The following TNRC6A variants were observed in gnomAD, a reference collection of about 807,000 sequenced individuals.
TNRC6A encodes the protein trinucleotide repeat-containing gene 6A protein.
In TNRC6A, 44 loss-of-function variants were observed where a neutral mutation model predicts 221.2. That is an observed-to-expected ratio of 0.20 (90% CI 0.16 to 0.26). TNRC6A has a LOEUF of 0.26. Ranked by LOEUF, TNRC6A falls within the 10% of genes least tolerant of loss-of-function variation. The pLI is 1.00. For missense variants in TNRC6A, 2,199 were observed against 2,404.4 expected (o/e 0.91, Z 1.79); for synonymous variants, 847 against 838.5 (o/e 1.01, Z -0.18).
At chr16:24,784,927 A>G (rs1198953672) in intron 5 of TNRC6A, among the ~76,000 whole-genome samples, 1 of 152,202 alleles carries the variant, frequency 6.6e-6, no homozygotes, top group Non-Finnish European at 1.5e-5. Flanking sequence ...TCTGCCACGT[A>G]TGGTTTATGT....
chr16:24,642,866 G>C (rs1332642606), intron 2 of TNRC6A, among the ~76,000 whole-genome samples: 1 of 151,316 alleles, frequency 6.6e-6, no homozygotes, highest in Non-Finnish European at 1.5e-5. Flanking sequence ...AATGTAGTGA[G>C]ACCCTGTCTC....
rs60944175 is a variant in TNRC6A at position 24,689,989 on chromosome 16, T to TAA, written n.402+49017_402+49018dup. Among the ~76,000 whole-genome samples the TAA allele has an allele frequency of 5.5e-3, 537 of 97,428 alleles. 2 individuals are homozygous for TAA. Among genetic ancestry groups the TAA allele is most frequent in the Non-Finnish European group, 6.3e-3 (311 of 49,464 alleles). The allele number at this position is 97,428 out of a possible 152,430, so 63.9% of individuals were successfully genotyped here. ...TGGTCTCAAACTCCTAGGCTTAAAG[T>TAA]AAAAAAAAAAAAAAAAAAAAAAAAA... On this transcript the variant is annotated intron_variant and non_coding_transcript_variant, in intron 2 of 2. Coordinates refer to the TNRC6A transcript ENST00000566108.
At chr16:24,806,552 C>G (rs1205927886) in intron 16 of TNRC6A, 22 bp from the exon 17 acceptor site, 1 of 1,611,750 alleles carries the variant, frequency 6.2e-7, no homozygotes, top group Non-Finnish European at 8.5e-7. Context: ...GTAATTTTTT[C>G]CAATCATTTC....
chr16:24,806,570 T>C lies in TNRC6A; in HGVS notation c.4330-4T>C. 6.2e-7 allele frequency: 1 copy of C among 1,614,208 alleles called. No individual in the cohort carries two copies. Among genetic ancestry groups the C allele is most frequent in the Non-Finnish European group, 8.5e-7 (1 of 1,180,004 alleles). ...ATTTTTTCCAATCATTTCATTGTTT[T>C]AAGGGTCGACCTCTTAGTGTGCAGC... On this transcript the variant is annotated splice_polypyrimidine_tract_variant and splice_region_variant and intron_variant, in intron 16 of 24. Transcript: ENST00000395799.
chr16:24,737,785 C>T (rs1174760526), intron 2 of TNRC6A, among the ~76,000 whole-genome samples: 1 of 152,202 alleles, frequency 6.6e-6, no homozygotes, highest in Non-Finnish European at 1.5e-5. Context: ...AGAGTTATGA[C>T]GTCTGTGTTT....
At chr16:24,805,215 T>C (rs964236538) in intron 14 of TNRC6A, 64 bp downstream of exon 14, 27 of 1,585,256 alleles carry the variant, frequency 1.7e-5, no homozygotes, top group Non-Finnish European at 1.5e-5. Context: ...GATTTTGTAT[T>C]TGAATAAAAT....
At chr16:24,641,513 G>A (rs1029798159) in intron 2 of TNRC6A, among the ~76,000 whole-genome samples, 1 of 152,076 alleles carries the variant, frequency 6.6e-6, no homozygotes, top group Non-Finnish European at 1.5e-5. Context: ...TGGTAAAGTT[G>A]GTCAGCAGTG....
chr16:24,737,499 G>A (rs2056796307), intron 2 of TNRC6A, among the ~76,000 whole-genome samples: 1 of 152,224 alleles, frequency 6.6e-6, no homozygotes, highest in Non-Finnish European at 1.5e-5. Flanking sequence ...CTTGTAACTA[G>A]GGAAAAGCAT....
chr16:24,818,603 A>G lies in TNRC6A; in HGVS notation c.4983A>G (p.Ser1661=). ...TCTTCCCCCACACAGGGTCATCCTC[A>G]TCCTTGAACACCACGCTGCCTTCAA... ...HLRDRNSGSS[S]SLNTTLPSTS... is the part of the protein sequence containing the mutation. The change falls in exon 21 of 25, where the codon TCA becomes TCG. Residue 1661 remains serine, a synonymous_variant. Transcript: ENST00000395799. 6.2e-7 allele frequency: 1 copy of G among 1,613,998 alleles called. No homozygotes were observed. The highest frequency in any genetic ancestry group is 8.5e-7 in the Non-Finnish European group (1 of 1,179,974).
chr16:24,725,589 A>C (rs1287210516), upstream of TNRC6A, among the ~76,000 whole-genome samples: 2 of 151,818 alleles, frequency 1.3e-5, no homozygotes, highest in East Asian at 3.9e-4. Flanking sequence ...TTTCAAAGAA[A>C]CATTCTTTGT....
intron 2 of TNRC6A, among the ~76,000 whole-genome samples, chr16:24,718,662 G>T (rs1220007495): frequency 6.6e-6 from 1 of 152,154 alleles, no homozygotes; most frequent in Non-Finnish European, 1.5e-5. Flanking sequence ...AGCCATTCAA[G>T]AATTCATAGC....
At chr16:24,735,018 A>T (rs1334545195) in intron 2 of TNRC6A, among the ~76,000 whole-genome samples, 1 of 152,250 alleles carries the variant, frequency 6.6e-6, no homozygotes, top group Non-Finnish European at 1.5e-5. Context: ...GCAGTGGCTC[A>T]CACGGGTAAT....
At chr16:24,683,593 T>G (rs544706858) in intron 2 of TNRC6A, among the ~76,000 whole-genome samples, 7 of 152,274 alleles carry the variant, frequency 4.6e-5, no homozygotes, top group African/African-American at 1.4e-4. Flanking sequence ...AGCCACCCTC[T>G]TCCCCATGGG....
intron 2 of TNRC6A, among the ~76,000 whole-genome samples, chr16:24,738,098 G>A (rs2056810818): frequency 6.6e-6 from 1 of 152,192 alleles, no homozygotes; most frequent in Non-Finnish European, 1.5e-5. Context: ...TCTGAGGCCT[G>A]TCAGTCACTA....
At chr16:24,708,190 G>A (rs1022928113) in intron 2 of TNRC6A, among the ~76,000 whole-genome samples, 5 of 151,660 alleles carry the variant, frequency 3.3e-5, no homozygotes, top group South Asian at 2.1e-4. Flanking sequence ...TTTGGTTACT[G>A]TAACTTTTTC....
At position 24,804,266 on chromosome 16, in the gene TNRC6A, C is replaced by T. The variant is rs751866610; in HGVS notation, c.3784C>T (p.Arg1262Trp). ...NRTVGKGPGSRPQISKESSME... is the reference protein window; with the variant it reads ...NRTVGKGPGSWPQISKESSME... ...AACGGTCGGGAAAGGCCCTGGTTCT[C>T]GGCCTCAGATTTCCAAAGAGTCTTC... Residue 1262 changes from arginine to tryptophan, a missense_variant, in exon 12 of 25, where the codon CGG becomes TGG. Physicochemically the swap from Arg to Trp is moderately radical, Grantham distance 101. Coordinates refer to ENST00000395799, the MANE Select transcript of TNRC6A (RefSeq NM_014494.4). The T allele has an allele frequency of 1.8e-5, 29 of 1,613,498 alleles. No individual in the cohort carries two copies. The highest frequency in any genetic ancestry group is 8.4e-5 in the Admixed American group (5 of 59,754).
At chr16:24,630,643 C>T (rs1901283524) in intron 1 of TNRC6A, among the ~76,000 whole-genome samples, 1 of 152,172 alleles carries the variant, frequency 6.6e-6, no homozygotes, top group Non-Finnish European at 1.5e-5. Flanking sequence ...TCCTATTCTC[C>T]TATTCTCTCT....
intron 2 of TNRC6A, among the ~76,000 whole-genome samples, chr16:24,702,502 T>C (rs1352229393): frequency 6.6e-6 from 1 of 152,162 alleles, no homozygotes; most frequent in Non-Finnish European, 1.5e-5. Context: ...AACCTTATCA[T>C]AGTATACCAC....
chr16:24,822,839 C>T (rs755569258), intron 23 of TNRC6A, 35 bp from the exon 24 acceptor site: 29 of 1,611,536 alleles, frequency 1.8e-5, no homozygotes, highest in Admixed American at 1.7e-4. Context: ...CCCGCGGTGA[C>T]GCCTCTCACT....
Sources: gnomAD v4.1 joint callset for allele counts (sites outside exome capture counted in the v4.1 genomes callset) on GRCh38, gnomAD v4.1.1 for gene constraint, MANE v1.5 for transcripts, NCBI Gene and HGNC (gene_info 2026-07-23, HGNC 2026-07-21) for gene names.